ZNF676: variants seen among roughly 807,000 people sequenced by gnomAD.
The protein encoded by ZNF676 is zinc finger protein 676.
In ZNF676, 4 loss-of-function variants were observed where a neutral mutation model predicts 6.0. The ratio of observed to expected loss-of-function variants is 0.67; its 90% CI spans 0.33 to 1.53. ZNF676 has a LOEUF of 1.53. Among genes scored for constraint, ZNF676 ranks in the 40% most tolerant of loss-of-function variants. The pLI is 0.06. For missense variants in ZNF676, 644 were observed against 679.7 expected, an observed-to-expected ratio of 0.95 and a Z score of 0.58; for synonymous variants, 198 against 223.1, an observed-to-expected ratio of 0.89 and a Z score of 1.00.
rs142714766 is a variant in ZNF676 at position 22,202,203 on chromosome 19, A to G, written c.4-5477T>C. Among the ~76,000 whole-genome samples, 20 of 152,140 alleles carry G rather than the reference A, an allele frequency of 1.3e-4. No homozygotes were observed. The East Asian group carries it at 1.9e-3, about 15-fold the overall frequency. On this transcript the variant is annotated intron_variant, in intron 1 of 3. Transcript: ENST00000650058. ...ATTCTCACGTCTACAGGTCTACTCAATGCACATATTTTACTCTGATTGGGT... is the reference window on the plus strand; with the variant it reads ...ATTCTCACGTCTACAGGTCTACTCAGTGCACATATTTTACTCTGATTGGGT...
chr19:22,259,479 G>A, the ZNF676 span, among the ~76,000 whole-genome samples: 3 of 152,156 alleles, frequency 2.0e-5, no homozygotes, highest in African/African-American at 4.8e-5. Flanking sequence ...AATATGTAAC[G>A]ATGATTCTCG....
intron 1 of ZNF676, among the ~76,000 whole-genome samples, chr19:22,204,819 G>C (rs543971899): frequency 3.3e-5 from 5 of 152,192 alleles, no homozygotes; most frequent in Admixed American, 3.3e-4. Context: ...TGAATCTCAG[G>C]TCCCAGATAA....
At chr19:22,213,561 G>A (rs1478914459) in intron 1 of ZNF676, among the ~76,000 whole-genome samples, 1 of 144,768 alleles carries the variant, frequency 6.9e-6, no homozygotes, top group Non-Finnish European at 1.5e-5. Flanking sequence ...CAGGAGATGA[G>A]AGGCTACACT....
chr19:22,220,493 T>C (rs1488231420), upstream of ZNF676, among the ~76,000 whole-genome samples: 1 of 150,538 alleles, frequency 6.6e-6, no homozygotes, highest in East Asian at 2.0e-4. Context: ...AGTCTTGCGC[T>C]GTCACCCAGG....
chr19:22,233,391 A>G, the ZNF676 span, among the ~76,000 whole-genome samples: 1 of 152,036 alleles, frequency 6.6e-6, no homozygotes, highest in African/African-American at 2.4e-5. Context: ...TTTTGTATAC[A>G]TTGTAATCTT....
chr19:22,206,857 C>T (rs1218533853), intron 1 of ZNF676, among the ~76,000 whole-genome samples: 1 of 152,116 alleles, frequency 6.6e-6, no homozygotes, highest in African/African-American at 2.4e-5. Flanking sequence ...ACAAGATTAT[C>T]TCAATAGATG....
the ZNF676 span, among the ~76,000 whole-genome samples, chr19:22,233,489 CT>C: frequency 6.6e-6 from 1 of 152,188 alleles, no homozygotes; most frequent in Non-Finnish European, 1.5e-5. Context: ...AAACAATTGT[CT>C]TTGCTAGAGA....
chr19:22,206,781 G>T (rs191806658), intron 1 of ZNF676, among the ~76,000 whole-genome samples: 1 of 152,048 alleles, frequency 6.6e-6, no homozygotes, highest in Non-Finnish European at 1.5e-5. Flanking sequence ...GGGATTCAAG[G>T]TTTGTTCAAC....
rs762645842 is a variant in ZNF676, at chr19:22,181,607, C to T, written c.131-21G>A. On this transcript the variant is annotated intron_variant, in intron 2 of 2. Coordinates refer to ENST00000397121, the MANE Select transcript of ZNF676 (RefSeq NM_001001411.3). ...TATAACTGAAAAGAAATAAAAATAA[C>T]AAATTAATCTACATATTAGACTCAG... The T allele has an allele frequency of 1.3e-5, 19 of 1,487,094 alleles. 1 individual carries two copies. In the African/African-American group the frequency reaches 2.1e-4, roughly 17 times the overall value. The allele number at this position is 1,487,094 out of a possible 1,614,324, so 92.1% of individuals were successfully genotyped here.
rs1251000835 is a variant in ZNF676 at position 22,181,284 on chromosome 19, C to G, written c.433G>C (p.Glu145Gln). The change falls in exon 3 of 3, where the codon GAA (glutamate) becomes CAA (glutamine). Residue 145 changes from glutamate to glutamine, a missense_variant. Physicochemically the swap from Glu to Gln is conservative, Grantham distance 29. This residue lies in a region of ZNF676 where 280 missense variants were observed against 269.3 expected (regional missense o/e 1.04). Coordinates refer to ENST00000397121, the MANE Select transcript of ZNF676 (RefSeq NM_001001411.3). ...HTGEKGLKCKEYVRSFCMLSH... is the reference protein window; with the variant it reads ...HTGEKGLKCKQYVRSFCMLSH... Reference sequence around the variant, plus strand: ...AGCATGCAAAATGATCTGACATATTCTTTACATTTCAAACCTTTCTCTCCA... The same window carrying G: ...AGCATGCAAAATGATCTGACATATTGTTTACATTTCAAACCTTTCTCTCCA... The G allele has an allele frequency of 1.2e-6, 2 of 1,613,612 alleles. No homozygotes were observed. Among genetic ancestry groups the G allele is most frequent in the Non-Finnish European group, 1.7e-6 (2 of 1,179,788 alleles).
At chr19:22,249,759 C>T in the ZNF676 span, among the ~76,000 whole-genome samples, 4 of 19,578 alleles carry the variant, frequency 2.0e-4, no homozygotes, top group South Asian at 7.9e-3. Context: ...ATAAGTACAA[C>T]GGGTTTTTTT....
Position 22,196,498 on chromosome 19 carries a change from C to T in ZNF676, c.34+102G>A. The T allele has an allele frequency of 3.1e-6, 5 of 1,597,390 alleles. No homozygotes were observed. The South Asian group carries it at 5.6e-5, about 18-fold the overall frequency. ...TCCAAATATACTCTTTTGTCTTTGTCTGTATTCTCGCATTCATCCTCCTTT... is the reference window on the plus strand; with the variant it reads ...TCCAAATATACTCTTTTGTCTTTGTTTGTATTCTCGCATTCATCCTCCTTT... On this transcript the variant is annotated intron_variant, in intron 1 of 2. Coordinates refer to ENST00000397121, the MANE Select transcript of ZNF676 (RefSeq NM_001001411.3).
chr19:22,260,093 G>T, the ZNF676 span, among the ~76,000 whole-genome samples: 1 of 152,108 alleles, frequency 6.6e-6, no homozygotes, highest in African/African-American at 2.4e-5. Context: ...CACATGGCAG[G>T]GTGTCCACAG....
chr19:22,182,585 T>TAAAAAAAAAAAAAAAAAAAAAAAAAAA (rs67699215), intron 2 of ZNF676, among the ~76,000 whole-genome samples: 5 of 45,054 alleles, frequency 1.1e-4, no homozygotes, highest in African/African-American at 4.2e-4. Flanking sequence ...GTCAAAGTTC[T>TAAAAAAAAAAAAAAAAAAAAAAAAAAA]AAAAAAAAAA....
At chr19:22,207,776 G>T (rs994254848) in intron 1 of ZNF676, among the ~76,000 whole-genome samples, 4 of 152,038 alleles carry the variant, frequency 2.6e-5, no homozygotes, top group African/African-American at 9.7e-5. Flanking sequence ...AGAATAGGGA[G>T]CCCAGAAATA....
chr19:22,194,958 G>T (rs781498316), intron 1 of ZNF676, among the ~76,000 whole-genome samples: 1 of 152,124 alleles, frequency 6.6e-6, no homozygotes, highest in Non-Finnish European at 1.5e-5. Flanking sequence ...ATACCAGCAG[G>T]ATACATGGGA....
chr19:22,189,455 C>T (rs1351399197), intron 2 of ZNF676, among the ~76,000 whole-genome samples: 1 of 152,030 alleles, frequency 6.6e-6, no homozygotes, highest in Non-Finnish European at 1.5e-5. Flanking sequence ...AGGACACAAG[C>T]ATGGGCAAAT....
At chr19:22,187,521 C>T (rs903795482) in intron 2 of ZNF676, among the ~76,000 whole-genome samples, 3 of 151,048 alleles carry the variant, frequency 2.0e-5, no homozygotes, top group Middle Eastern at 3.2e-3. Flanking sequence ...AAGAACAGAG[C>T]AGAACTGAAG....
At chr19:22,232,204 T>C in the ZNF676 span, among the ~76,000 whole-genome samples, 2 of 152,012 alleles carry the variant, frequency 1.3e-5, no homozygotes, top group African/African-American at 4.8e-5. Context: ...AGTCTCGCTC[T>C]GTCTCCAGGC....
Sources: gnomAD v4.1 joint callset for allele counts (sites outside exome capture counted in the v4.1 genomes callset) on GRCh38, gnomAD v4.1.1 for gene constraint, gnomAD v4.1.1 regional missense constraint, MANE v1.5 for transcripts, NCBI Gene and HGNC (gene_info 2026-07-23, HGNC 2026-07-21) for gene names.